UBE3D: variants seen among roughly 807,000 people sequenced by gnomAD.
UBE3D encodes E3 ubiquitin-protein ligase E3D.
UBE3D carries 48 observed loss-of-function variants against 49.6 expected under a neutral mutation model. That is an observed-to-expected ratio of 0.97 (90% CI 0.77 to 1.23). The LOEUF (loss-of-function observed/expected upper bound fraction) is 1.23. Ranked by LOEUF, UBE3D falls within the 50% of genes most tolerant of loss-of-function variation. The probability of loss-of-function intolerance (pLI) is 0.00; values close to 1 mark genes in which losing one functional copy is unlikely to be tolerated. For synonymous variants in UBE3D, 189 were observed against 174.2 expected (o/e 1.08, Z -0.67); for missense variants, 452 against 468.4 (o/e 0.96, Z 0.32).
intron 9 of UBE3D, among the ~76,000 whole-genome samples, chr6:82,910,259 T>C (rs1448953484): frequency 6.6e-6 from 1 of 152,186 alleles, no homozygotes; most frequent in Non-Finnish European, 1.5e-5. Context: ...AAGCACAACA[T>C]CTTATCTAAA....
intron 5 of UBE3D, among the ~76,000 whole-genome samples, chr6:83,024,483 T>C (rs1482403635): frequency 6.6e-6 from 1 of 152,204 alleles, no homozygotes; most frequent in Admixed American, 6.5e-5. Flanking sequence ...TCTACCATAA[T>C]AGCCTCAATA....
chr6:83,044,333 A>G, intron 4 of UBE3D, 95 bp downstream of exon 4: 1 of 1,185,902 alleles, frequency 8.4e-7, no homozygotes, highest in Non-Finnish European at 1.2e-6. Context: ...CCTTTACAGC[A>G]GTCTATGTAA....
At chr6:83,025,446 T>G (rs1437429086) in intron 5 of UBE3D, among the ~76,000 whole-genome samples, 1 of 152,204 alleles carries the variant, frequency 6.6e-6, no homozygotes, top group Non-Finnish European at 1.5e-5. Context: ...ATTTTTTTTT[T>G]TTGCATCAAA....
intron 9 of UBE3D, among the ~76,000 whole-genome samples, chr6:82,940,072 C>T (rs1195939292): frequency 6.6e-6 from 1 of 152,108 alleles, no homozygotes; most frequent in Admixed American, 6.6e-5. Flanking sequence ...GGGAATCGGC[C>T]TTTTGAAAGA....
At chr6:83,027,458 A>AAAAAAAAAAAAAAAAAAG (rs571635643) in intron 5 of UBE3D, among the ~76,000 whole-genome samples, 1 of 147,568 alleles carries the variant, frequency 6.8e-6, no homozygotes, top group African/African-American at 2.5e-5. Context: ...AAAAAAAAAA[A>AAAAAAAAAAAAAAAAAAG]AAAGAAACCA....
intron 9 of UBE3D, among the ~76,000 whole-genome samples, chr6:82,953,119 G>A (rs1029261243): frequency 2.0e-5 from 3 of 152,188 alleles, no homozygotes; most frequent in South Asian, 2.1e-4. Flanking sequence ...CCAGAGTTCT[G>A]AAGCACACAG....
intron 9 of UBE3D, among the ~76,000 whole-genome samples, chr6:82,902,980 A>G (rs1771844317): frequency 6.6e-6 from 1 of 152,176 alleles, no homozygotes; most frequent in Non-Finnish European, 1.5e-5. Context: ...GTAAGCTAGT[A>G]ACAAGACTAG....
At chr6:83,015,784 GGGGAGGCCTGT>G (rs761085630) in intron 8 of UBE3D, among the ~76,000 whole-genome samples, 1 of 152,138 alleles carries the variant, frequency 6.6e-6, no homozygotes, top group African/African-American at 2.4e-5. Context: ...GAGGCCATAA[GGGGAGGCCTGT>G]TGCCTCAGGC....
chr6:82,963,179 A>G (rs1333123241), intron 8 of UBE3D, among the ~76,000 whole-genome samples: 1 of 151,146 alleles, frequency 6.6e-6, no homozygotes, highest in African/African-American at 2.4e-5. Flanking sequence ...AACTTCAGGT[A>G]AAGTTTTCAT....
At position 82,960,043 on chromosome 6, in the gene UBE3D, TTCTGTATGCAG is replaced by T. The variant is rs543942102; in HGVS notation, c.1011-2604_1011-2594del. Among the ~76,000 whole-genome samples the T allele has an allele frequency of 1.4e-4, 21 of 152,290 alleles. No homozygotes were observed. The South Asian group carries it at 4.4e-3, about 32-fold the overall frequency. ...TCTTGGCAATTTCATTCAGTGTCTCTTCTGTATGCAGGAGCTCCTAGCTCAGGAAGGCATCC... is the reference window on the plus strand; with the variant it reads ...TCTTGGCAATTTCATTCAGTGTCTCTGAGCTCCTAGCTCAGGAAGGCATCC... On this transcript the variant is annotated intron_variant, in intron 8 of 9. Transcript: ENST00000369747.
At chr6:83,033,767 T>C (rs1782048164) in intron 5 of UBE3D, among the ~76,000 whole-genome samples, 1 of 152,210 alleles carries the variant, frequency 6.6e-6, no homozygotes, top group South Asian at 2.1e-4. Flanking sequence ...CTTTATAAAT[T>C]ACCCAGTCTT....
At chr6:83,063,730 T>C (rs1164727099) in intron 1 of UBE3D, among the ~76,000 whole-genome samples, 1 of 152,202 alleles carries the variant, frequency 6.6e-6, no homozygotes, top group East Asian at 1.9e-4. Context: ...GGACTGATAA[T>C]ACTAAATGTA....
At chr6:82,956,053 A>G (rs1157156564) in intron 9 of UBE3D, among the ~76,000 whole-genome samples, 1 of 152,198 alleles carries the variant, frequency 6.6e-6, no homozygotes, top group East Asian at 1.9e-4. Flanking sequence ...AGAGGAGAGG[A>G]ATGTAAATAA....
At position 83,065,720 on chromosome 6, in the gene UBE3D, G is replaced by A. The variant is rs557083364; in HGVS notation, c.-2C>T. 3.7e-5 allele frequency: 60 copies of A among 1,610,398 alleles called. 1 individual carries two copies. The South Asian group carries it at 6.1e-4, about 16-fold the overall frequency. ...CGTCTCCGCCGCAGAAGCCGCCATGGCAGGCTTCCAGTCCCAGACCGGACC... is the reference window on the plus strand; with the variant it reads ...CGTCTCCGCCGCAGAAGCCGCCATGACAGGCTTCCAGTCCCAGACCGGACC... On this transcript the variant is annotated 5_prime_UTR_variant, in exon 1 of 10. Coordinates refer to ENST00000369747, the MANE Select transcript of UBE3D (RefSeq NM_198920.3).
chr6:83,026,353 A>G (rs763464483), intron 5 of UBE3D, among the ~76,000 whole-genome samples: 6 of 152,108 alleles, frequency 3.9e-5, no homozygotes, highest in Non-Finnish European at 8.8e-5. Context: ...CGGGAGGCTG[A>G]GGCAAGAGGA....
chr6:82,949,315 A>G (rs1018947957), intron 9 of UBE3D, among the ~76,000 whole-genome samples: 48 of 152,014 alleles, frequency 3.2e-4, no homozygotes, highest in African/African-American at 1.1e-3. Flanking sequence ...AACTGAGGAA[A>G]TAAAAGATCT....
intron 8 of UBE3D, among the ~76,000 whole-genome samples, chr6:83,015,032 T>C (rs539938863): frequency 5.0e-4 from 76 of 152,340 alleles, no homozygotes; most frequent in African/African-American, 1.7e-3. Flanking sequence ...ATTACGGTAG[T>C]ATGCCCACCT....
chr6:82,911,975 C>T (rs1264216796), intron 9 of UBE3D, among the ~76,000 whole-genome samples: 2 of 152,164 alleles, frequency 1.3e-5, no homozygotes, highest in Non-Finnish European at 2.9e-5. Context: ...ACTGGACTTT[C>T]TTCCTGGGGA....
intron 9 of UBE3D, 80 bp from the exon 10 acceptor site, chr6:82,893,122 G>T: frequency 2.6e-6 from 4 of 1,509,490 alleles, no homozygotes; most frequent in Non-Finnish European, 3.7e-6. Flanking sequence ...ATCAGAATCA[G>T]GTTAAGTCTG....
Sources: gnomAD v4.1 joint callset for allele counts (sites outside exome capture counted in the v4.1 genomes callset) on GRCh38, gnomAD v4.1.1 for gene constraint, MANE v1.5 for transcripts, NCBI Gene and HGNC (gene_info 2026-07-23, HGNC 2026-07-21) for gene names.